Variants in ARHGEF17 observed in about 807,000 individuals in gnomAD.
ARHGEF17 encodes 164 kDa Rho-specific guanine-nucleotide exchange factor.
In ARHGEF17, 80 loss-of-function variants were observed where a neutral mutation model predicts 174.0. The observed-to-expected ratio is 0.46, with a 90% confidence interval of 0.38 to 0.55. The LOEUF is 0.55. Among genes scored for constraint, ARHGEF17 ranks in the 20% least tolerant of loss-of-function variants. The probability of loss-of-function intolerance (pLI) is 0.00; values close to 1 mark genes in which losing one functional copy is unlikely to be tolerated. For missense variants in ARHGEF17, 2,886 were observed against 2,839.7 expected (o/e 1.02, Z -0.37); for synonymous variants, 1,311 against 1,189.1 (o/e 1.10, Z -2.11).
chr11:73,341,602 G>A (rs941609477), intron 1 of ARHGEF17, among the ~76,000 whole-genome samples: 1 of 152,130 alleles, frequency 6.6e-6, no homozygotes, highest in Non-Finnish European at 1.5e-5. Context: ...GTGAGCTACC[G>A]CGCCCGCCCG....
At chr11:73,329,405 G>GTT (rs1362065435) in intron 1 of ARHGEF17, among the ~76,000 whole-genome samples, 2 of 44,932 alleles carry the variant, frequency 4.5e-5, no homozygotes, top group Non-Finnish European at 8.5e-5. Flanking sequence ...TTGGGTTTTT[G>GTT]TTTTTTTTTT....
In ARHGEF17 at chr11:73,328,315, G is replaced by A. The variant is rs546515059; in HGVS notation, c.3192+16485G>A. On this transcript the variant is annotated intron_variant, in intron 1 of 20. Coordinates refer to ENST00000263674, the MANE Select transcript of ARHGEF17 (RefSeq NM_014786.4). ...GACTCTGCAGGCTGGGGGCTCTGCC[G>A]GAGTTTTGCTAGCAGAAATCCCCAC... Among the ~76,000 whole-genome samples, 9 of 152,288 alleles carry A rather than the reference G, an allele frequency of 5.9e-5. No individual in the cohort carries two copies. In the South Asian group the frequency reaches 1.0e-3, roughly 18 times the overall value.
At position 73,362,056 on chromosome 11, in the gene ARHGEF17, C is replaced by G. The variant is rs1307957013; in HGVS notation, c.4511C>G (p.Pro1504Arg). 1.2e-6 allele frequency: 2 copies of G among 1,612,488 alleles called. No homozygotes were observed. The highest frequency in any genetic ancestry group is 1.7e-5 in the Admixed American group (1 of 59,988). The part of the protein sequence containing the change: ...RSGMQFSCAA[P>R]TLNSCPEPSP... ...CTCCTGCAGTTCTCCTGTGCGGCTC[C>G]CACCCTGAACAGCTGCCCGGAGCCC... Residue 1504 changes from proline to arginine, a missense_variant, in exon 13 of 21, where the codon CCC becomes CGC. Physicochemically the swap from Pro to Arg is moderately radical, Grantham distance 103 (BLOSUM62 -2). Around this residue, in one of 4 missense-constraint regions of ARHGEF17, gnomAD observed 476 missense variants for 473.1 expected, o/e 1.01. Coordinates refer to ENST00000263674, the MANE Select transcript of ARHGEF17 (RefSeq NM_014786.4).
rs116089043 is a variant in ARHGEF17, at chr11:73,337,084, G to A, written c.3193-9799G>A. Among the ~76,000 whole-genome samples, 138 of 152,310 alleles carry A rather than the reference G, an allele frequency of 9.1e-4. 1 individual carries two copies. Among genetic ancestry groups the A allele is most frequent in the African/African-American group, 3.1e-3 (128 of 41,554 alleles). ...AGCTTTACCCAGCTTCAAAGGGAGG[G>A]GACCTGGACCTCGTCTTTCTGTGGG... is the stretch of plus-strand genomic sequence containing the variant. On this transcript the variant is annotated intron_variant, in intron 1 of 20. Coordinates refer to ENST00000263674, the MANE Select transcript of ARHGEF17 (RefSeq NM_014786.4).
chr11:73,317,598 C>T (rs1452434653), intron 1 of ARHGEF17, among the ~76,000 whole-genome samples: 1 of 152,230 alleles, frequency 6.6e-6, no homozygotes, highest in African/African-American at 2.4e-5. Flanking sequence ...TGTGCCCAGG[C>T]AGCCTGGCGC....
chr11:73,342,732 C>G (rs1004052346), intron 1 of ARHGEF17, among the ~76,000 whole-genome samples: 4 of 151,698 alleles, frequency 2.6e-5, no homozygotes, highest in Non-Finnish European at 1.5e-5. Context: ...TACATGTCGG[C>G]GCCTTTGTCC....
chr11:73,310,317 G>C lies in ARHGEF17; in HGVS notation c.1679G>C (p.Arg560Pro), dbSNP rs757353332. 6.2e-7 allele frequency: 1 copy of C among 1,613,624 alleles called. No homozygotes were observed. Among genetic ancestry groups the C allele is most frequent in the Non-Finnish European group, 8.5e-7 (1 of 1,179,988 alleles). Residue 560 changes from arginine (R) to proline (P), a missense_variant, in exon 1 of 21, where the codon CGC (arginine) becomes CCC (proline). Coordinates refer to ENST00000263674, the MANE Select transcript of ARHGEF17 (RefSeq NM_014786.4). Reference protein sequence around the residue: ...SEKPMARRLPRTSALKSSSSE... With the variant: ...SEKPMARRLPPTSALKSSSSE... ...AAGCCCATGGCCCGCCGCCTGCCCC[G>C]CACCAGTGCTCTGAAGTCCAGCTCC...
chr11:73,360,378 A>G lies in ARHGEF17; in HGVS notation c.4265A>G (p.Lys1422Arg), dbSNP rs745861533. Residue 1422 changes from lysine (K) to arginine (R), a missense_variant, in exon 11 of 21, where the codon AAG (lysine) becomes AGG (arginine). By Grantham distance (26) the Lys-to-Arg change is conservative (BLOSUM62 2). Transcript: ENST00000263674. ...SAAMHRDLSEKQALCYALSFP... is the reference protein window; with the variant it reads ...SAAMHRDLSERQALCYALSFP... ...GCCATGCACCGGGACCTGTCGGAGA[A>G]GCAGGCGCTGTGCTACGCGCTTTCC... 1.9e-6 allele frequency: 3 copies of G among 1,613,798 alleles called. No individual in the cohort carries two copies. Among genetic ancestry groups the G allele is most frequent in the African/African-American group, 2.7e-5 (2 of 74,952 alleles).
In ARHGEF17 at chr11:73,363,636, G is replaced by A. The variant is rs545970701; in HGVS notation, c.5247-111G>A. On this transcript the variant is annotated intron_variant, in intron 15 of 20. Coordinates refer to ENST00000263674, the MANE Select transcript of ARHGEF17 (RefSeq NM_014786.4). ...GAGGCTGTGGGACCTCAGTACCTTG[G>A]GCAGGCACCCAGCATTGAAGACGTG... 65 of 1,511,130 alleles carry A rather than the reference G, an allele frequency of 4.3e-5. No homozygotes were observed. In the African/African-American group the frequency reaches 8.2e-4, roughly 19 times the overall value. The allele number at this position is 1,511,130 out of a possible 1,614,324, so 93.6% of individuals were successfully genotyped here. A position where few individuals can be genotyped will look rare whatever the true frequency, so the allele number is the denominator to read the frequency against.
intron 1 of ARHGEF17, among the ~76,000 whole-genome samples, chr11:73,333,242 C>G (rs1220792710): frequency 6.6e-6 from 1 of 152,188 alleles, no homozygotes; most frequent in African/African-American, 2.4e-5. Flanking sequence ...GTGGGCAGGT[C>G]TGTGCTACCA....
chr11:73,361,112 C>T lies in ARHGEF17; in HGVS notation c.4445C>T (p.Pro1482Leu), dbSNP rs762796374. Residue 1482 changes from proline (P) to leucine (L), a missense_variant, in exon 12 of 21, where the codon CCT (proline) becomes CTT (leucine). Pro to Leu is a moderately conservative substitution (Grantham distance 98, BLOSUM62 -3). Coordinates refer to ENST00000263674, the MANE Select transcript of ARHGEF17 (RefSeq NM_014786.4). ...KLASSKSCLDPEFLKAIPIMK... is the reference protein window; with the variant it reads ...KLASSKSCLDLEFLKAIPIMK... Reference sequence around the variant, plus strand: ...GCATCCAGCAAAAGCTGTCTAGACCCTGAGTTCCTGAAGGCCATCCCCATC... The same window carrying T: ...GCATCCAGCAAAAGCTGTCTAGACCTTGAGTTCCTGAAGGCCATCCCCATC... 1 of 1,614,102 alleles carries T rather than the reference C, an allele frequency of 6.2e-7. No homozygotes were observed. Among genetic ancestry groups the T allele is most frequent in the East Asian group, 2.2e-5 (1 of 44,888 alleles).
At chr11:73,362,290 C>T (rs1337841218) in intron 13 of ARHGEF17, 51 bp downstream of exon 13, 3 of 1,464,702 alleles carry the variant, frequency 2.0e-6, no homozygotes, top group Admixed American at 4.9e-5. Context: ...GGAGAACCAA[C>T]CCCTGTCCCA....
chr11:73,360,032 AT>A lies in ARHGEF17; in HGVS notation c.4206+83del, dbSNP rs1591760112. The stretch of plus-strand genomic sequence containing the variant: ...TGTCTGAGAGATAGACAGCCCTGAC[AT>A]TTGCCTGAGGGAAGAGACATCCCTT... On this transcript the variant is annotated intron_variant, in intron 10 of 20. Transcript: ENST00000263674. The A allele has an allele frequency of 4.4e-6, 6 of 1,356,888 alleles. No individual in the cohort carries two copies. In the East Asian group the frequency reaches 1.4e-4, roughly 31 times the overall value. 84.1% of individuals were successfully genotyped at this position (1,356,888 alleles called of 1,614,324 possible).
rs75032401 is a variant in ARHGEF17, at chr11:73,359,961, C to T, written c.4206+9C>T. On this transcript the variant is annotated intron_variant, in intron 10 of 20. Coordinates refer to ENST00000263674, the MANE Select transcript of ARHGEF17 (RefSeq NM_014786.4). ...TTGGTTTCCCCCACCAGGTCTGTGC[C>T]CTCTGCCTGACACTGGGGAGCCAGA... 7.4e-3 allele frequency: 11,776 copies of T among 1,596,102 alleles called. 57 individuals are homozygous for T. Among genetic ancestry groups the T allele is most frequent in the Non-Finnish European group, 9.0e-3 (10,488 of 1,171,790 alleles).
In ARHGEF17 at chr11:73,346,981, C is replaced by G. The variant is rs772040571; in HGVS notation, c.3270+21C>G. 9 of 1,587,176 alleles carry G rather than the reference C, an allele frequency of 5.7e-6. No homozygotes were observed. In the East Asian group the frequency reaches 1.6e-4, roughly 28 times the overall value. On this transcript the variant is annotated intron_variant, in intron 2 of 20. Transcript: ENST00000263674. ...TGCAGGTGGGGCTCGGGGCCCACTC[C>G]CCTGAGAATGGCCTTTCTGAGCCTA...
chr11:73,309,687 C>T lies in ARHGEF17; in HGVS notation c.1049C>T (p.Pro350Leu). 1 of 1,613,102 alleles carries T rather than the reference C, an allele frequency of 6.2e-7. No homozygotes were observed. Among genetic ancestry groups the T allele is most frequent in the Non-Finnish European group, 8.5e-7 (1 of 1,180,012 alleles). Residue 350 changes from proline (P) to leucine (L), a missense_variant, in exon 1 of 21, where the codon CCC becomes CTC. Transcript: ENST00000263674. ...GLREWGSGSPPCVPGPQEGLR... is the reference protein window; with the variant it reads ...GLREWGSGSPLCVPGPQEGLR... ...CGGGAGTGGGGTAGTGGCTCTCCGC[C>T]CTGCGTCCCAGGTCCCCAGGAGGGA...
intron 1 of ARHGEF17, among the ~76,000 whole-genome samples, chr11:73,346,199 T>C (rs1169804730): frequency 6.6e-6 from 1 of 152,138 alleles, no homozygotes; most frequent in Non-Finnish European, 1.5e-5. Flanking sequence ...TAATAACATA[T>C]ACCTCACAGG....
chr11:73,339,183 T>G (rs1299175308), intron 1 of ARHGEF17, among the ~76,000 whole-genome samples: 2 of 152,216 alleles, frequency 1.3e-5, no homozygotes, highest in South Asian at 2.1e-4. Flanking sequence ...TGTCTTCCTG[T>G]GTAGACTGTG....
intron 20 of ARHGEF17, among the ~76,000 whole-genome samples, chr11:73,366,152 T>C (rs1291282290): frequency 6.6e-6 from 1 of 152,058 alleles, no homozygotes; most frequent in Non-Finnish European, 1.5e-5. Flanking sequence ...CGCACCTGCA[T>C]GTGTTGTGTG....
Sources: allele counts gnomAD v4.1 joint callset (sites outside exome capture counted in the v4.1 genomes callset), GRCh38; gene constraint gnomAD v4.1.1; regional missense constraint gnomAD v4.1.1; transcripts MANE v1.5; gene names NCBI Gene and HGNC (gene_info 2026-07-23, HGNC 2026-07-21).